Variants in ZBTB20 observed in about 807,000 individuals in gnomAD.
ZBTB20 encodes the protein zinc finger and BTB domain-containing protein 20.
ZBTB20 carries 9 observed loss-of-function variants against 56.9 expected under a neutral mutation model. That is an observed-to-expected ratio of 0.16 (90% CI 0.10 to 0.28). ZBTB20 has a LOEUF of 0.28. Among genes scored for constraint, ZBTB20 ranks in the 10% least tolerant of loss-of-function variants. The pLI is 1.00. For synonymous variants in ZBTB20, 417 were observed against 420.7 expected (o/e 0.99, Z 0.11); for missense variants, 655 against 1,003.0 (o/e 0.65, Z 4.69).
chr3:114,802,412 A>G (rs2071783484), intron 4 of ZBTB20, among the ~76,000 whole-genome samples: 1 of 151,844 alleles, frequency 6.6e-6, no homozygotes. Flanking sequence ...GGTCTATTTG[A>G]TGTACATAGA....
chr3:114,372,080 A>G, intron 10 of ZBTB20, among the ~76,000 whole-genome samples: 1 of 152,222 alleles, frequency 6.6e-6, no homozygotes, highest in East Asian at 1.9e-4. Flanking sequence ...ATCCTAAATG[A>G]TCCAACTCTA....
intron 6 of ZBTB20, among the ~76,000 whole-genome samples, chr3:114,665,342 C>A (rs2060987917): frequency 6.6e-6 from 1 of 152,026 alleles, no homozygotes; most frequent in Non-Finnish European, 1.5e-5. Flanking sequence ...TACTATATAG[C>A]CTATATGTTA....
intron 7 of ZBTB20, among the ~76,000 whole-genome samples, chr3:114,484,903 C>A (rs1008848358): frequency 6.6e-6 from 1 of 152,100 alleles, no homozygotes; most frequent in Non-Finnish European, 1.5e-5. Flanking sequence ...ACAAAGGTAA[C>A]AGTAGCTGAT....
At chr3:114,609,327 G>A (rs2057385921) in intron 6 of ZBTB20, among the ~76,000 whole-genome samples, 1 of 152,194 alleles carries the variant, frequency 6.6e-6, no homozygotes, top group South Asian at 2.1e-4. Flanking sequence ...AGCATGAGAT[G>A]GAGGAGCAAT....
intron 7 of ZBTB20, among the ~76,000 whole-genome samples, chr3:114,449,499 A>G (rs1226395734): frequency 6.6e-6 from 1 of 152,144 alleles, no homozygotes; most frequent in East Asian, 1.9e-4. Flanking sequence ...CATTCTGAAA[A>G]ACGGAAAGTG....
intron 4 of ZBTB20, among the ~76,000 whole-genome samples, chr3:114,896,546 T>C (rs1477335471): frequency 1.3e-5 from 2 of 151,782 alleles, no homozygotes; most frequent in Non-Finnish European, 2.9e-5. Flanking sequence ...CATAGAGAAG[T>C]CAAAATGACA....
chr3:114,774,942 C>G (rs577130837), intron 5 of ZBTB20, among the ~76,000 whole-genome samples: 47 of 152,256 alleles, frequency 3.1e-4, no homozygotes, highest in African/African-American at 1.1e-3. Context: ...AAACTTCCAG[C>G]ATGCTCCCTT....
chr3:114,575,746 C>G (rs1463058532), intron 6 of ZBTB20, among the ~76,000 whole-genome samples: 1 of 152,048 alleles, frequency 6.6e-6, no homozygotes, highest in African/African-American at 2.4e-5. Flanking sequence ...CAAATGAAAA[C>G]TTAACGGTAG....
At chr3:114,570,903 A>G (rs1249695544) in intron 6 of ZBTB20, among the ~76,000 whole-genome samples, 2 of 152,172 alleles carry the variant, frequency 1.3e-5, no homozygotes, top group Non-Finnish European at 2.9e-5. Context: ...TTGATCAGAC[A>G]TGGATAAGGT....
intron 7 of ZBTB20, among the ~76,000 whole-genome samples, chr3:114,427,309 G>T (rs540161627): frequency 1.3e-5 from 2 of 152,268 alleles, no homozygotes; most frequent in Non-Finnish European, 2.9e-5. Flanking sequence ...CACTAGCAAA[G>T]TCTCATAGTC....
chr3:115,012,344 C>T (rs1315012859), intron 2 of ZBTB20, among the ~76,000 whole-genome samples: 1 of 151,724 alleles, frequency 6.6e-6, no homozygotes, highest in Non-Finnish European at 1.5e-5. Context: ...TATAAAGACA[C>T]ATACAGACTG....
chr3:115,037,841 T>G (rs2080989824), intron 2 of ZBTB20, among the ~76,000 whole-genome samples: 1 of 152,224 alleles, frequency 6.6e-6, no homozygotes, highest in African/African-American at 2.4e-5. Flanking sequence ...ACTGTACCTG[T>G]AAGTTGCTAT....
chr3:114,553,419 A>G (rs1395421800), intron 6 of ZBTB20, among the ~76,000 whole-genome samples: 2 of 152,164 alleles, frequency 1.3e-5, no homozygotes, highest in African/African-American at 4.8e-5. Context: ...TGGTCCTTGG[A>G]AAATCAGTGA....
chr3:114,514,374 A>G (rs953864223), intron 6 of ZBTB20, among the ~76,000 whole-genome samples: 2 of 152,192 alleles, frequency 1.3e-5, no homozygotes, highest in Admixed American at 1.3e-4. Context: ...AAGGATAACT[A>G]GAGGATGGTA....
At chr3:114,369,798 A>G (rs1175954172) in intron 10 of ZBTB20, among the ~76,000 whole-genome samples, 1 of 152,252 alleles carries the variant, frequency 6.6e-6, no homozygotes, top group Non-Finnish European at 1.5e-5. Context: ...TGAAAGAAGT[A>G]CACAGAACAT....
chr3:114,393,056 G>A (rs1410042939), intron 7 of ZBTB20, among the ~76,000 whole-genome samples: 1 of 152,216 alleles, frequency 6.6e-6, no homozygotes, highest in African/African-American at 2.4e-5. Context: ...ACCTTGGTAG[G>A]TAGCATTAAT....
intron 6 of ZBTB20, among the ~76,000 whole-genome samples, chr3:114,533,537 G>A (rs909544394): frequency 1.6e-4 from 25 of 152,168 alleles, no homozygotes; most frequent in African/African-American, 4.8e-4. Flanking sequence ...AAGTGATAGG[G>A]AGAATGGAAC....
intron 4 of ZBTB20, among the ~76,000 whole-genome samples, chr3:114,832,268 G>A (rs1197917202): frequency 2.0e-5 from 3 of 152,072 alleles, no homozygotes; most frequent in African/African-American, 7.2e-5. Flanking sequence ...ATACCAGGTT[G>A]ATACAACAGT....
chr3:114,872,068 T>C (rs548131763), intron 4 of ZBTB20, among the ~76,000 whole-genome samples: 1 of 152,288 alleles, frequency 6.6e-6, no homozygotes, highest in Admixed American at 6.5e-5. Flanking sequence ...CAAACTCAAA[T>C]ATTATTTGCT....
Sources: gnomAD v4.1 joint callset for allele counts (sites outside exome capture counted in the v4.1 genomes callset) on GRCh38, gnomAD v4.1.1 for gene constraint, MANE v1.5 for transcripts, NCBI Gene and HGNC (gene_info 2026-07-23, HGNC 2026-07-21) for gene names.